TGFBR3: variants seen among roughly 807,000 people sequenced by gnomAD.
The protein encoded by TGFBR3 is transforming growth factor beta receptor type 3.
Under a neutral mutation model 87.9 loss-of-function variants are expected in TGFBR3, and 46 were observed. The observed-to-expected ratio is 0.52, with a 90% CI of 0.41 to 0.67. The LOEUF (loss-of-function observed/expected upper bound fraction) is 0.67, where lower values mean the gene tolerates loss of function less well. Among genes scored for constraint, TGFBR3 ranks in the 30% least tolerant of loss-of-function variants. The probability of loss-of-function intolerance (pLI) is 0.00; values close to 1 mark genes in which losing one functional copy is unlikely to be tolerated. For synonymous variants in TGFBR3, 381 were observed against 391.6 expected, an observed-to-expected ratio of 0.97 and a Z score of 0.32; for missense variants, 866 against 1,041.9, an observed-to-expected ratio of 0.83 and a Z score of 2.32.
chr1:91,764,336 A>C (rs916967221), intron 3 of TGFBR3, among the ~76,000 whole-genome samples: 2 of 150,438 alleles, frequency 1.3e-5, no homozygotes, highest in African/African-American at 4.9e-5. Flanking sequence ...AAAAAAAAAA[A>C]AAACCTAAAA....
chr1:91,784,173 T>G (rs1038376331), intron 3 of TGFBR3, among the ~76,000 whole-genome samples: 2 of 152,138 alleles, frequency 1.3e-5, no homozygotes, highest in African/African-American at 4.8e-5. Context: ...AAAATAAGAT[T>G]AATTAAAAGA....
At chr1:91,796,272 G>A (rs1675377013) in intron 3 of TGFBR3, among the ~76,000 whole-genome samples, 1 of 152,176 alleles carries the variant, frequency 6.6e-6, no homozygotes, top group Admixed American at 6.5e-5. Flanking sequence ...CCACAGGAAA[G>A]AGGACGCCAT....
chr1:91,737,364 A>C (rs1217820199), intron 4 of TGFBR3, among the ~76,000 whole-genome samples: 1 of 152,204 alleles, frequency 6.6e-6, no homozygotes, highest in Non-Finnish European at 1.5e-5. Context: ...GGTATTGTTC[A>C]GATGTTATTT....
chr1:91,711,885 G>C (rs1388371070), intron 13 of TGFBR3, among the ~76,000 whole-genome samples: 2 of 152,182 alleles, frequency 1.3e-5, no homozygotes, highest in African/African-American at 4.8e-5. Flanking sequence ...GTCCCAGCAG[G>C]ACCTGGAAAA....
rs1295269424 is a variant in TGFBR3 at position 91,681,588 on chromosome 1, T to C, written c.*2151A>G. The C allele has an allele frequency of 1.2e-5, 5 of 401,684 alleles. No homozygotes were observed. The highest frequency in any genetic ancestry group is 2.1e-5 in the African/African-American group (1 of 47,216). 24.9% of individuals were successfully genotyped at this position (401,684 alleles called of 1,614,324 possible). A position where few individuals can be genotyped will look rare whatever the true frequency, so the allele number is the denominator to read the frequency against. ...TATCTCCTAATAGCTAATTTTCTTT[T>C]TAACACGATGGAAAAGATTTTTTAA... On this transcript the variant is annotated 3_prime_UTR_variant, in exon 17 of 17. Coordinates refer to ENST00000212355, the MANE Select transcript of TGFBR3 (RefSeq NM_003243.5).
chr1:91,788,505 A>T (rs1235788573), intron 3 of TGFBR3, among the ~76,000 whole-genome samples: 1 of 152,276 alleles, frequency 6.6e-6, no homozygotes, highest in South Asian at 2.1e-4. Context: ...GTCTAAACTT[A>T]CACAGAAATA....
intron 14 of TGFBR3, 43 bp downstream of exon 14, chr1:91,708,620 A>G (rs1671880187): frequency 6.2e-7 from 1 of 1,613,498 alleles, no homozygotes; most frequent in Non-Finnish European, 8.5e-7. Flanking sequence ...CTTAACAAGC[A>G]GAGCTCAGGC....
rs59218244 is a variant in TGFBR3, at chr1:91,765,851, A to C, written c.247-7101T>G. On this transcript the variant is annotated intron_variant, in intron 3 of 16. Transcript: ENST00000212355. ...ATGATTAGAAATTAAAATTTTAGAC[A>C]AACTGAAGAAACTCAATATTTGCAA... 8.9e-3 allele frequency among the ~76,000 whole-genome samples: 1,332 copies of C among 150,018 alleles called. 23 individuals are homozygous for C. The highest frequency in any genetic ancestry group is 0.031 in the African/African-American group (1,216 of 39,376).
At chr1:91,774,489 G>GT (rs112383842) in intron 3 of TGFBR3, among the ~76,000 whole-genome samples, 60 of 152,018 alleles carry the variant, frequency 3.9e-4, no homozygotes, top group Middle Eastern at 6.8e-3. Context: ...AGATGAGCAG[G>GT]TTTTTTTTAT....
At chr1:91,752,336 T>C (rs1010773750) in intron 4 of TGFBR3, among the ~76,000 whole-genome samples, 5 of 152,148 alleles carry the variant, frequency 3.3e-5, no homozygotes, top group Non-Finnish European at 5.9e-5. Flanking sequence ...GCTCCAGCAA[T>C]TGTACCTCAA....
chr1:91,837,471 C>T (rs1168809281), intron 2 of TGFBR3, among the ~76,000 whole-genome samples: 4 of 152,100 alleles, frequency 2.6e-5, no homozygotes, highest in Non-Finnish European at 5.9e-5. Flanking sequence ...GTCTCAAACT[C>T]CTGACCTCAT....
intron 2 of TGFBR3, among the ~76,000 whole-genome samples, chr1:91,828,671 A>G (rs1302979545): frequency 6.6e-6 from 1 of 152,214 alleles, no homozygotes; most frequent in African/African-American, 2.4e-5. Context: ...CCACAGAAGC[A>G]GCAGCTGCTC....
At chr1:91,698,004 C>A in intron 15 of TGFBR3, 85 bp downstream of exon 15, 1 of 1,314,962 alleles carries the variant, frequency 7.6e-7, no homozygotes, top group South Asian at 1.2e-5. Flanking sequence ...TATCAAAACT[C>A]AAAGTTTGGC....
intron 3 of TGFBR3, among the ~76,000 whole-genome samples, chr1:91,776,158 G>A (rs1362829398): frequency 6.6e-6 from 1 of 152,200 alleles, no homozygotes; most frequent in Non-Finnish European, 1.5e-5. Flanking sequence ...GCAACACTGG[G>A]TGCAACATCT....
chr1:91,685,353 C>T (rs1370061630), intron 16 of TGFBR3, among the ~76,000 whole-genome samples: 4 of 129,430 alleles, frequency 3.1e-5, no homozygotes, highest in Admixed American at 9.0e-5. Flanking sequence ...GACGGAGTCT[C>T]GCTCTGTCCC....
intron 2 of TGFBR3, among the ~76,000 whole-genome samples, chr1:91,896,505 T>C (rs1204103263): frequency 6.6e-6 from 1 of 152,114 alleles, no homozygotes; most frequent in African/African-American, 2.4e-5. Context: ...AAGTATGTGG[T>C]GTAAACGGCA....
intron 2 of TGFBR3, among the ~76,000 whole-genome samples, chr1:91,797,989 A>AATTTG (rs1399858812): frequency 2.6e-5 from 4 of 152,280 alleles, no homozygotes; most frequent in Non-Finnish European, 4.4e-5. Flanking sequence ...TGTACAGCAA[A>AATTTG]ATTTGGGCCA....
rs1200092752 is a variant in TGFBR3, at chr1:91,695,469, C to T, written c.2437+203G>A. Reference sequence around the variant, plus strand: ...ACCAACATCACAATCGCAATTAGCACAGTTTAAACCTTCCTTTTCTTTCCA... The same window carrying T: ...ACCAACATCACAATCGCAATTAGCATAGTTTAAACCTTCCTTTTCTTTCCA... On this transcript the variant is annotated intron_variant, in intron 16 of 16. Coordinates refer to ENST00000212355, the MANE Select transcript of TGFBR3 (RefSeq NM_003243.5). The T allele has an allele frequency of 1.2e-5, 7 of 585,084 alleles. No individual in the cohort carries two copies. The East Asian group carries it at 2.1e-4, about 18-fold the overall frequency. The allele number at this position is 585,084 out of a possible 1,614,324, so 36.2% of individuals were successfully genotyped here.
chr1:91,744,362 A>C (rs1673260332), intron 4 of TGFBR3, among the ~76,000 whole-genome samples: 1 of 152,164 alleles, frequency 6.6e-6, no homozygotes, highest in Non-Finnish European at 1.5e-5. Context: ...CTGGGATTAC[A>C]GGCACGAGGA....
Sources: allele counts gnomAD v4.1 joint callset (sites outside exome capture counted in the v4.1 genomes callset), GRCh38; gene constraint gnomAD v4.1.1; transcripts MANE v1.5; gene names NCBI Gene and HGNC (gene_info 2026-07-23, HGNC 2026-07-21).